Variants in PIEZO2 observed in about 807,000 individuals in gnomAD.
PIEZO2 encodes the protein piezo-type mechanosensitive ion channel component 2.
A neutral mutation model predicts 337.3 loss-of-function variants in PIEZO2; 172 were observed. The observed-to-expected ratio is 0.51, with a 90% CI of 0.45 to 0.58. The LOEUF (loss-of-function observed/expected upper bound fraction) is 0.58, where lower values mean the gene tolerates loss of function less well. Among genes scored for constraint, PIEZO2 ranks in the 20% least tolerant of loss-of-function variants. PIEZO2 has a pLI of 0.00. For synonymous variants in PIEZO2, 1,251 were observed against 1,228.5 expected (o/e 1.02, Z -0.38); for missense variants, 3,028 against 3,391.3 (o/e 0.89, Z 2.66).
Position 11,109,453 on chromosome 18 carries a change from T to C in PIEZO2, c.64+39072A>G, listed in dbSNP as rs1375963610. ...GAAATAGGCCAGGCGCGGTGGCTCA[T>C]GTCTGTAATCCCAGCACTTTGGGAG... On this transcript the variant is annotated intron_variant, in intron 1 of 55. Coordinates refer to ENST00000674853, the MANE Select transcript of PIEZO2 (RefSeq NM_001378183.1). This position sits in a 1 kb window ranked among gnomAD's most constrained non-coding sequence, Gnocchi z 5.1. Among the ~76,000 whole-genome samples the C allele has an allele frequency of 6.6e-6, 1 of 152,138 alleles. No homozygotes were observed. The highest frequency in any genetic ancestry group is 1.9e-4 in the East Asian group (1 of 5,192).
Position 10,856,875 on chromosome 18 carries a change from C to CCAGTTT in PIEZO2, c.703+125_703+126insAAACTG. ...GTACATGTGGCCAGTTTTACAAGAG[C>CCAGTTT]TACAGTTATGATATTCATGTGGTGG... On this transcript the variant is annotated intron_variant, in intron 6 of 55. Transcript: ENST00000674853. This position sits in a 1 kb window ranked among gnomAD's most constrained non-coding sequence, Gnocchi z 4.7. 1 of 897,220 alleles carries CCAGTTT rather than the reference C, an allele frequency of 1.1e-6. No individual in the cohort carries two copies. The highest frequency in any genetic ancestry group is 1.7e-6 in the Non-Finnish European group (1 of 594,370). The allele number at this position is 897,220 out of a possible 1,614,324, so 55.6% of individuals were successfully genotyped here.
chr18:10,898,220 G>A (rs1365989160), intron 4 of PIEZO2, among the ~76,000 whole-genome samples: 1 of 152,152 alleles, frequency 6.6e-6, no homozygotes, highest in Non-Finnish European at 1.5e-5. Context: ...ATGAGATCGA[G>A]ACCATCCTGG....
At position 10,784,986 on chromosome 18, in the gene PIEZO2, G is replaced by A. The variant is rs752243035; in HGVS notation, c.2319-29C>T. ...CAAAACAAAACAAAATAAAAAGCAG[G>A]AACCTCTCTTACGCAATGAAGTCAC... On this transcript the variant is annotated intron_variant, in intron 16 of 55. Transcript: ENST00000674853. The surrounding 1 kb of genome is among the most constrained non-coding windows in gnomAD (Gnocchi z 4.5). 1.3e-6 allele frequency: 2 copies of A among 1,520,630 alleles called. No homozygotes were observed. The highest frequency in any genetic ancestry group is 2.8e-5 in the African/African-American group (2 of 72,062). 94.2% of individuals were successfully genotyped at this position (1,520,630 alleles called of 1,614,324 possible).
intron 2 of PIEZO2, among the ~76,000 whole-genome samples, chr18:11,023,203 G>A (rs1165019008): frequency 6.6e-6 from 1 of 152,110 alleles, no homozygotes; most frequent in African/African-American, 2.4e-5. Context: ...GCTGGCTCGG[G>A]CAGCCTGCTT....
At chr18:11,061,694 T>A (rs916236609) in intron 2 of PIEZO2, among the ~76,000 whole-genome samples, 9 of 151,936 alleles carry the variant, frequency 5.9e-5, no homozygotes, top group Non-Finnish European at 1.2e-4. Context: ...GAATCCAACT[T>A]ACAAGGGACG....
chr18:10,802,988 A>AT (rs1491460704), intron 9 of PIEZO2, among the ~76,000 whole-genome samples: 2 of 151,226 alleles, frequency 1.3e-5, no homozygotes, highest in Non-Finnish European at 2.9e-5. Context: ...AAAAAAAAAA[A>AT]GGTATTTTAA....
chr18:10,871,375 C>T lies in PIEZO2; in HGVS notation c.370G>A (p.Val124Ile), dbSNP rs1423079210. 12 of 1,537,326 alleles carry T rather than the reference C, an allele frequency of 7.8e-6. No homozygotes were observed. Among genetic ancestry groups the T allele is most frequent in the Middle Eastern group, 1.7e-4 (1 of 5,990 alleles). The stretch of plus-strand genomic sequence containing the variant: ...GCAATGAACATCCCGATGTCAGGTA[C>T]AAACACTCTGATCCCATTGCCAGCA... ...ADAGNGIRVF[V>I]PDIGMFIASL... Residue 124 changes from valine (V) to isoleucine (I), a missense_variant, in exon 5 of 56, where the codon GTA becomes ATA. Coordinates refer to ENST00000674853, the MANE Select transcript of PIEZO2 (RefSeq NM_001378183.1).
chr18:10,858,329 AAAAAAAAAAAAAAAAAAAGAAAAG>A (rs2041778815), intron 5 of PIEZO2, among the ~76,000 whole-genome samples: 1 of 135,904 alleles, frequency 7.4e-6, no homozygotes, highest in South Asian at 2.3e-4. Context: ...CCCAAAAAAA[AAAAAAAAAAAAAAAAAAAGAAAAG>A]AAAAGAAGAA....
rs939101106 is a variant in PIEZO2, at chr18:10,720,222, A to G, written c.5030-1963T>C. Among the ~76,000 whole-genome samples, 38 of 139,874 alleles carry G rather than the reference A, an allele frequency of 2.7e-4. No individual in the cohort carries two copies. The East Asian group carries it at 5.5e-3, about 20-fold the overall frequency. 91.8% of individuals were successfully genotyped at this position (139,874 alleles called of 152,430 possible). A position where few individuals can be genotyped will look rare whatever the true frequency, so the allele number is the denominator to read the frequency against. ...GATATATATATGTATATATGAATAT[A>G]TGTGTGTGTGTGTATATATATATAT... On this transcript the variant is annotated intron_variant, in intron 36 of 55. Coordinates refer to ENST00000674853, the MANE Select transcript of PIEZO2 (RefSeq NM_001378183.1).
chr18:10,693,950 T>A (rs2034973175), intron 47 of PIEZO2, among the ~76,000 whole-genome samples: 1 of 152,190 alleles, frequency 6.6e-6, no homozygotes, highest in Non-Finnish European at 1.5e-5. Context: ...GAAAAAATTA[T>A]AATATTTGTA....
At chr18:10,752,156 C>T (rs1298443340) in intron 28 of PIEZO2, among the ~76,000 whole-genome samples, 1 of 152,164 alleles carries the variant, frequency 6.6e-6, no homozygotes, top group African/African-American at 2.4e-5. Context: ...TAGCCCATTC[C>T]ACCTCATTCC....
Position 11,028,986 on chromosome 18 carries a change from G to A in PIEZO2, c.160+37141C>T, listed in dbSNP as rs373960255. 4.4e-4 allele frequency among the ~76,000 whole-genome samples: 67 copies of A among 152,266 alleles called. No homozygotes were observed. The South Asian group carries it at 9.3e-3, about 21-fold the overall frequency. ...AACAACACCAGTTTTAAGCTGCACC[G>A]TCAGTTATTTAAATAGAAATTGAGG... On this transcript the variant is annotated intron_variant, in intron 2 of 55. Coordinates refer to ENST00000674853, the MANE Select transcript of PIEZO2 (RefSeq NM_001378183.1). This position sits in a 1 kb window ranked among gnomAD's most constrained non-coding sequence, Gnocchi z 4.8.
Position 11,143,272 on chromosome 18 carries a change from T to TG in PIEZO2, c.64+5252dup, listed in dbSNP as rs1229397836. ...CATCAATTGTTCTTCAATATCCAGA[T>TG]GGCTTATGCTATTCTAAGTTCTCCT... On this transcript the variant is annotated intron_variant, in intron 1 of 55. Transcript: ENST00000674853. The surrounding 1 kb of genome is among the most constrained non-coding windows in gnomAD (Gnocchi z 4.9). Among the ~76,000 whole-genome samples, 2 of 152,192 alleles carry TG rather than the reference T, an allele frequency of 1.3e-5. No homozygotes were observed. Among genetic ancestry groups the TG allele is most frequent in the Non-Finnish European group, 2.9e-5 (2 of 68,042 alleles).
At chr18:11,022,102 G>A (rs1349873640) in intron 2 of PIEZO2, among the ~76,000 whole-genome samples, 1 of 152,152 alleles carries the variant, frequency 6.6e-6, no homozygotes, top group Non-Finnish European at 1.5e-5. Context: ...CTAAAATAAG[G>A]ACTACGAGAG....
chr18:10,892,711 C>A (rs369337733), intron 4 of PIEZO2, among the ~76,000 whole-genome samples: 25 of 152,026 alleles, frequency 1.6e-4, no homozygotes, highest in African/African-American at 6.0e-4. Context: ...AGCAATTTAG[C>A]ATGAAACAAT....
chr18:10,955,329 G>A (rs1347006585), intron 3 of PIEZO2, among the ~76,000 whole-genome samples: 1 of 152,202 alleles, frequency 6.6e-6, no homozygotes, highest in Non-Finnish European at 1.5e-5. Context: ...AGAGCAAGGA[G>A]ACAGCTATTG....
chr18:10,884,630 C>T (rs978209833), intron 4 of PIEZO2, among the ~76,000 whole-genome samples: 2 of 152,154 alleles, frequency 1.3e-5, no homozygotes, highest in Non-Finnish European at 2.9e-5. Flanking sequence ...ACACCATTAA[C>T]GACTAGCAGA....
At position 10,705,353 on chromosome 18, in the gene PIEZO2, G is replaced by C; in HGVS notation, c.5982C>G (p.Ser1994Arg). 6.5e-7 allele frequency: 1 copy of C among 1,534,140 alleles called. No homozygotes were observed. The highest frequency in any genetic ancestry group is 8.7e-7 in the Non-Finnish European group (1 of 1,145,110). ...ACCCTTACTTTTTCAGCAGCAGCTC[G>C]CTGGCCGTCAGCTCATGGGTCAGGG... ...LPPLTHELTA[S>R]ELLLKKMFHD... Residue 1994 changes from serine to arginine, a missense_variant, in exon 41 of 56, where the codon AGC (serine) becomes AGG (arginine). This residue lies in a region of PIEZO2 where 1,925 missense variants were observed against 2,051.9 expected (regional missense o/e 0.94). Transcript: ENST00000674853.
intron 2 of PIEZO2, among the ~76,000 whole-genome samples, chr18:11,042,814 G>A (rs573796431): frequency 2.0e-4 from 30 of 152,326 alleles, no homozygotes; most frequent in African/African-American, 7.2e-4. Context: ...ATTGTAAAAT[G>A]TCAGTATGTA....
Sources: allele counts gnomAD v4.1 joint callset (sites outside exome capture counted in the v4.1 genomes callset), GRCh38; gene constraint gnomAD v4.1.1; regional missense constraint gnomAD v4.1.1; non-coding constraint Gnocchi (gnomAD v3.1); transcripts MANE v1.5; gene names NCBI Gene and HGNC (gene_info 2026-07-23, HGNC 2026-07-21).